KCND2: variants seen among roughly 807,000 people sequenced by gnomAD.
KCND2 encodes the protein A-type voltage-gated potassium channel KCND2.
A neutral mutation model predicts 54.4 loss-of-function variants in KCND2; 16 were observed. The observed-to-expected ratio is 0.29, with a 90% confidence interval of 0.20 to 0.45. The LOEUF is 0.45. Ranked by LOEUF, KCND2 falls within the 20% of genes least tolerant of loss-of-function variation. The probability of loss-of-function intolerance (pLI) is 1.00; values close to 1 mark genes in which losing one functional copy is unlikely to be tolerated. For missense variants in KCND2, 486 were observed against 824.2 expected (o/e 0.59, Z 5.02); for synonymous variants, 317 against 310.7 (o/e 1.02, Z -0.21).
At chr7:120,558,514 A>C (rs1247626394) in intron 1 of KCND2, among the ~76,000 whole-genome samples, 1 of 152,182 alleles carries the variant, frequency 6.6e-6, no homozygotes, top group African/African-American at 2.4e-5. Context: ...AATTTTATAT[A>C]TCTGTGCATA....
chr7:120,729,699 C>A (rs1048507908), intron 1 of KCND2, among the ~76,000 whole-genome samples: 5 of 152,202 alleles, frequency 3.3e-5, no homozygotes, highest in African/African-American at 7.2e-5. Context: ...CACTTTGTGC[C>A]CCCTTCCTCT....
chr7:120,474,496 C>A (rs1802505318), intron 1 of KCND2, among the ~76,000 whole-genome samples: 2 of 151,710 alleles, frequency 1.3e-5, no homozygotes, highest in African/African-American at 4.8e-5. Flanking sequence ...TGCCACCATG[C>A]CCAGCTAATT....
intron 1 of KCND2, among the ~76,000 whole-genome samples, chr7:120,378,799 CT>C (rs1800872139): frequency 6.6e-6 from 1 of 151,864 alleles, no homozygotes; most frequent in Non-Finnish European, 1.5e-5. Context: ...GGACTCTTAC[CT>C]TTTGAAAAAA....
intron 1 of KCND2, among the ~76,000 whole-genome samples, chr7:120,369,378 A>G (rs1040419105): frequency 5.3e-5 from 8 of 152,074 alleles, no homozygotes; most frequent in Admixed American, 3.9e-4. Context: ...TAATCTTCAA[A>G]AAACAACAGC....
At chr7:120,483,842 A>G (rs1265960505) in intron 1 of KCND2, among the ~76,000 whole-genome samples, 1 of 152,218 alleles carries the variant, frequency 6.6e-6, no homozygotes, top group Non-Finnish European at 1.5e-5. Context: ...TGTCGAGTGT[A>G]TAAAATTGTT....
At chr7:120,641,860 A>G (rs10953919) in intron 1 of KCND2, among the ~76,000 whole-genome samples, 5,172 of 151,714 alleles carry the variant, frequency 0.034, 207 homozygotes, top group African/African-American at 0.1. Flanking sequence ...AAGATAATAA[A>G]AAAAAAAGAA....
At chr7:120,294,255 T>C (rs1799476933) in intron 1 of KCND2, among the ~76,000 whole-genome samples, 1 of 151,980 alleles carries the variant, frequency 6.6e-6, no homozygotes, top group Non-Finnish European at 1.5e-5. Context: ...ATACATTCAT[T>C]ATAGCAGAAA....
intron 1 of KCND2, among the ~76,000 whole-genome samples, chr7:120,420,968 A>G (rs1049714113): frequency 6.6e-6 from 1 of 152,206 alleles, no homozygotes; most frequent in Non-Finnish European, 1.5e-5. Flanking sequence ...TAATAACAAT[A>G]TATGTAACAG....
intron 1 of KCND2, among the ~76,000 whole-genome samples, chr7:120,638,472 G>A (rs1793332999): frequency 6.6e-6 from 1 of 152,142 alleles, no homozygotes; most frequent in Non-Finnish European, 1.5e-5. Context: ...CCTGCCATCT[G>A]GGGAGGGATT....
At chr7:120,518,088 A>G (rs1803221425) in intron 1 of KCND2, among the ~76,000 whole-genome samples, 1 of 152,196 alleles carries the variant, frequency 6.6e-6, no homozygotes, top group South Asian at 2.1e-4. Context: ...ATCTGTGGCC[A>G]TATCTCTACA....
intron 1 of KCND2, among the ~76,000 whole-genome samples, chr7:120,520,181 CATTTATGTGTAAT>C (rs1007883598): frequency 1.3e-5 from 2 of 151,850 alleles, no homozygotes; most frequent in African/African-American, 4.8e-5. Flanking sequence ...TATTGTCTAC[CATTTATGTGTAAT>C]ATTTATGTAT....
At chr7:120,741,781 C>T in intron 3 of KCND2, 152 bp downstream of exon 3, 1 of 697,474 alleles carries the variant, frequency 1.4e-6, no homozygotes, top group South Asian at 1.6e-5. Context: ...AATAACTTCA[C>T]CCTGTACATC....
At chr7:120,512,456 G>C (rs1438050081) in intron 1 of KCND2, among the ~76,000 whole-genome samples, 1 of 151,482 alleles carries the variant, frequency 6.6e-6, no homozygotes, top group Non-Finnish European at 1.5e-5. Context: ...GACTACATTA[G>C]CATCACATCA....
rs141748010 is a variant in KCND2 at position 120,442,656 on chromosome 7, C to T, written c.1115+166909C>T. Among the ~76,000 whole-genome samples the T allele has an allele frequency of 4.7e-3, 714 of 152,060 alleles. 7 individuals carry two copies. Among genetic ancestry groups the T allele is most frequent in the African/African-American group, 0.016 (672 of 41,486 alleles). ...AACATAACACATAAAATGATATTTA[C>T]AGACACCCATCTAAGAAGTCACACA... On this transcript the variant is annotated intron_variant, in intron 1 of 5. Coordinates refer to ENST00000331113, the MANE Select transcript of KCND2 (RefSeq NM_012281.3).
rs552978422 is a variant in KCND2 at position 120,725,241 on chromosome 7, A to G, written c.1116-7662A>G. ...TTCTTTCCTTGATTTTTTCTTTTCT[A>G]TACACAAATCTTAATCCTTTAATTT... On this transcript the variant is annotated intron_variant, in intron 1 of 5. Transcript: ENST00000331113. 1.3e-5 allele frequency among the ~76,000 whole-genome samples: 2 copies of G among 152,270 alleles called. 1 individual carries two copies. Among genetic ancestry groups the G allele is most frequent in the South Asian group, 4.1e-4 (2 of 4,832 alleles).
intron 1 of KCND2, among the ~76,000 whole-genome samples, chr7:120,346,939 G>A (rs1800327082): frequency 6.6e-6 from 1 of 152,156 alleles, no homozygotes; most frequent in Non-Finnish European, 1.5e-5. Context: ...GATGTGAGAG[G>A]TTACTTCCCA....
chr7:120,431,168 T>G (rs1440238491), intron 1 of KCND2, among the ~76,000 whole-genome samples: 1 of 152,086 alleles, frequency 6.6e-6, no homozygotes, highest in African/African-American at 2.4e-5. Context: ...AAGAAGAAAT[T>G]AGTAAAAGGT....
Position 120,732,884 on chromosome 7 carries a change from T to C in KCND2, c.1116-19T>C. The C allele has an allele frequency of 6.3e-7, 1 of 1,599,964 alleles. No homozygotes were observed. The highest frequency in any genetic ancestry group is 8.6e-7 in the Non-Finnish European group (1 of 1,167,636). On this transcript the variant is annotated intron_variant, in intron 1 of 5. Coordinates refer to ENST00000331113, the MANE Select transcript of KCND2 (RefSeq NM_012281.3). ...TCTGTGACTTAAAACAATATATATA[T>C]ATTTTTTCTTTAACTCAGGTATGGT...
intron 1 of KCND2, among the ~76,000 whole-genome samples, chr7:120,368,024 C>T (rs1188724484): frequency 6.6e-6 from 1 of 152,086 alleles, no homozygotes; most frequent in Non-Finnish European, 1.5e-5. Context: ...CCAGGAGTGT[C>T]ACATCTAAAT....
Sources: allele counts gnomAD v4.1 joint callset (sites outside exome capture counted in the v4.1 genomes callset), GRCh38; gene constraint gnomAD v4.1.1; transcripts MANE v1.5; gene names NCBI Gene and HGNC (gene_info 2026-07-23, HGNC 2026-07-21).